The following DOK6 variants were observed in gnomAD, a reference collection of about 807,000 sequenced individuals.
DOK6 encodes downstream of tyrosine kinase 6.
Under a neutral mutation model 44.0 loss-of-function variants are expected in DOK6, and 22 were observed. The ratio of observed to expected loss-of-function variants is 0.50; its 90% CI spans 0.36 to 0.71. DOK6 has a LOEUF of 0.71. Among genes scored for constraint, DOK6 ranks in the 30% least tolerant of loss-of-function variants. The pLI, the probability that DOK6 is intolerant of heterozygous loss-of-function variation, is 0.00. For synonymous variants in DOK6, 166 were observed against 145.5 expected, an observed-to-expected ratio of 1.14 and a Z score of -1.01; for missense variants, 340 against 416.4, an observed-to-expected ratio of 0.82 and a Z score of 1.60.
chr18:69,503,530 T>G (rs1981102710), intron 1 of DOK6, among the ~76,000 whole-genome samples: 1 of 152,152 alleles, frequency 6.6e-6, no homozygotes. Context: ...GGTTGAATTT[T>G]CCTTCATTGT....
intron 3 of DOK6, among the ~76,000 whole-genome samples, chr18:69,666,786 C>T (rs1985670001): frequency 6.6e-6 from 1 of 152,218 alleles, no homozygotes; most frequent in Admixed American, 6.5e-5. Flanking sequence ...TATCTGCTGA[C>T]AACCCTGGGT....
chr18:69,743,937 C>T (rs1225860939), intron 6 of DOK6, among the ~76,000 whole-genome samples: 1 of 152,078 alleles, frequency 6.6e-6, no homozygotes, highest in African/African-American at 2.4e-5. Context: ...TGTTGAAACG[C>T]CAGGAAGATA....
intron 1 of DOK6, among the ~76,000 whole-genome samples, chr18:69,515,381 T>A (rs1263059742): frequency 6.6e-6 from 1 of 152,240 alleles, no homozygotes; most frequent in Non-Finnish European, 1.5e-5. Context: ...CCTGTGTGCT[T>A]CAGTGTTTTC....
chr18:69,805,673 A>G (rs1480680822), intron 7 of DOK6, among the ~76,000 whole-genome samples: 3 of 152,120 alleles, frequency 2.0e-5, no homozygotes, highest in Non-Finnish European at 2.9e-5. Flanking sequence ...AGACCATAGT[A>G]TTTCCAAATA....
Position 69,751,040 on chromosome 18 carries a change from A to G in DOK6, c.739-6716A>G, listed in dbSNP as rs114268106. ...AAATACCATGTATTCTCACTTATAA[A>G]TGGAATCTAAATCAATCAACTCATA... On this transcript the variant is annotated intron_variant, in intron 6 of 7. Coordinates refer to ENST00000382713, the MANE Select transcript of DOK6 (RefSeq NM_152721.6). Among the ~76,000 whole-genome samples, 139 of 152,346 alleles carry G rather than the reference A, an allele frequency of 9.1e-4. 1 individual carries two copies. Among genetic ancestry groups the G allele is most frequent in the African/African-American group, 3.2e-3 (133 of 41,576 alleles).
intron 1 of DOK6, among the ~76,000 whole-genome samples, chr18:69,558,668 A>G (rs1200454277): frequency 6.6e-6 from 1 of 152,176 alleles, no homozygotes; most frequent in Non-Finnish European, 1.5e-5. Context: ...ATTGTACAAT[A>G]TACCTAACCA....
At chr18:69,446,115 G>T (rs1979281522) in intron 1 of DOK6, among the ~76,000 whole-genome samples, 1 of 151,738 alleles carries the variant, frequency 6.6e-6, no homozygotes, top group Admixed American at 6.6e-5. Flanking sequence ...GTGCACGTTT[G>T]TTACATATGT....
At chr18:69,838,614 ATTT>A (rs1982118051) in intron 7 of DOK6, among the ~76,000 whole-genome samples, 1 of 152,060 alleles carries the variant, frequency 6.6e-6, no homozygotes, top group African/African-American at 2.4e-5. Context: ...ACCATCCAGA[ATTT>A]TTAGATAGGG....
At chr18:69,690,946 C>T (rs910711169) in intron 4 of DOK6, among the ~76,000 whole-genome samples, 6 of 151,884 alleles carry the variant, frequency 4.0e-5, no homozygotes, top group South Asian at 2.1e-4. Context: ...TTTGGGAGGC[C>T]GAGACAGGAA....
intron 1 of DOK6, among the ~76,000 whole-genome samples, chr18:69,450,097 C>T (rs1180112404): frequency 5.4e-5 from 7 of 129,546 alleles, no homozygotes; most frequent in Non-Finnish European, 9.6e-5. Context: ...AGGCTTCGGA[C>T]GATCAAATTA....
chr18:69,725,350 G>A (rs1203912603), intron 5 of DOK6, among the ~76,000 whole-genome samples: 1 of 152,194 alleles, frequency 6.6e-6, no homozygotes, highest in Non-Finnish European at 1.5e-5. Flanking sequence ...GTTCTGTAAG[G>A]AGGCTTTCTG....
At chr18:69,665,472 G>A (rs1442329087) in intron 3 of DOK6, among the ~76,000 whole-genome samples, 2 of 152,104 alleles carry the variant, frequency 1.3e-5, no homozygotes, top group Non-Finnish European at 2.9e-5. Flanking sequence ...ATTTGATTAG[G>A]TAGTAATTTT....
chr18:69,488,939 C>T (rs1267900552), intron 1 of DOK6, among the ~76,000 whole-genome samples: 5 of 152,186 alleles, frequency 3.3e-5, no homozygotes, highest in African/African-American at 1.2e-4. Flanking sequence ...ACCATATTAA[C>T]AGAGAAATAG....
At chr18:69,494,731 C>T (rs1046309103) in intron 1 of DOK6, among the ~76,000 whole-genome samples, 2 of 152,142 alleles carry the variant, frequency 1.3e-5, no homozygotes, top group Non-Finnish European at 2.9e-5. Context: ...ATTACCTTCT[C>T]ATTTTTCTCA....
At chr18:69,716,946 T>A (rs1428238570) in intron 5 of DOK6, among the ~76,000 whole-genome samples, 1 of 152,224 alleles carries the variant, frequency 6.6e-6, no homozygotes, top group Non-Finnish European at 1.5e-5. Context: ...TTTAAATGCA[T>A]GTCTGGCTAC....
At chr18:69,617,506 GAAAGAAAGA>G (rs1206102232) in intron 3 of DOK6, among the ~76,000 whole-genome samples, 3 of 20,814 alleles carry the variant, frequency 1.4e-4, no homozygotes, top group African/African-American at 4.6e-4. Flanking sequence ...GAAAGAAAGA[GAAAGAAAGA>G]AAAGAAAGAA....
At chr18:69,690,946 C>G (rs910711169) in intron 4 of DOK6, among the ~76,000 whole-genome samples, 4 of 151,884 alleles carry the variant, frequency 2.6e-5, no homozygotes. Context: ...TTTGGGAGGC[C>G]GAGACAGGAA....
At chr18:69,681,057 CGATA>C (rs1425951758) in intron 4 of DOK6, among the ~76,000 whole-genome samples, 1 of 152,062 alleles carries the variant, frequency 6.6e-6, no homozygotes, top group African/African-American at 2.4e-5. Context: ...AGAATTAGCA[CGATA>C]GATTGTTTAT....
chr18:69,628,863 T>C (rs1187127856), intron 3 of DOK6, among the ~76,000 whole-genome samples: 1 of 151,958 alleles, frequency 6.6e-6, no homozygotes, highest in African/African-American at 2.4e-5. Context: ...TGGATTGGAG[T>C]AGGATGCATG....
Sources: allele counts gnomAD v4.1 joint callset (sites outside exome capture counted in the v4.1 genomes callset), GRCh38; gene constraint gnomAD v4.1.1; transcripts MANE v1.5; gene names NCBI Gene and HGNC (gene_info 2026-07-23, HGNC 2026-07-21).